The following USP42 variants were observed in gnomAD, a reference collection of about 807,000 sequenced individuals.
The protein encoded by USP42 is ubiquitin carboxyl-terminal hydrolase 42.
In USP42, 23 loss-of-function variants were observed where a neutral mutation model predicts 113.0. That is an observed-to-expected ratio of 0.20 (90% CI 0.15 to 0.29). The LOEUF (loss-of-function observed/expected upper bound fraction) is 0.29, where lower values mean the gene tolerates loss of function less well. USP42 is among the 10% of genes least tolerant of loss of function. The pLI is 1.00. For missense variants in USP42, 2,174 were observed against 1,779.8 expected (o/e 1.22, Z -3.99); for synonymous variants, 933 against 699.0 (o/e 1.33, Z -5.28).
intron 1 of USP42, among the ~76,000 whole-genome samples, chr7:6,108,116 G>A (rs1054069485): frequency 1.3e-5 from 2 of 152,184 alleles, no homozygotes; most frequent in East Asian, 3.9e-4. Context: ...GCCAGGAGGT[G>A]GAGAAGGTTG....
At chr7:6,133,891 CT>C (rs386409441) in intron 3 of USP42, among the ~76,000 whole-genome samples, 1,578 of 128,960 alleles carry the variant, frequency 0.012, 6 homozygotes, top group Middle Eastern at 0.025. Context: ...GTTTCTTCTT[CT>C]TTTTTTTTTT....
chr7:6,145,062 A>C (rs995138461), intron 9 of USP42, among the ~76,000 whole-genome samples: 1 of 152,162 alleles, frequency 6.6e-6, no homozygotes. Context: ...GGCCAGGTGC[A>C]GTGGCTCATG....
chr7:6,144,044 T>TC, intron 8 of USP42, 41 bp from the exon 9 acceptor site: 2 of 1,286,508 alleles, frequency 1.6e-6, no homozygotes, highest in Non-Finnish European at 2.1e-6. Flanking sequence ...ATTGTGTGTA[T>TC]ATATTCGTCT....
intron 3 of USP42, among the ~76,000 whole-genome samples, chr7:6,116,103 C>CAA (rs1363199312): frequency 0.062 from 4,495 of 72,034 alleles, 133 homozygotes; most frequent in Admixed American, 0.089. Context: ...GACCCTGTCT[C>CAA]AAAAAAAAAA....
chr7:6,126,098 G>C (rs1337181062), intron 3 of USP42, among the ~76,000 whole-genome samples: 3 of 151,982 alleles, frequency 2.0e-5, no homozygotes, highest in Admixed American at 2.0e-4. Context: ...TTAACCTCTG[G>C]TGACCACTGA....
chr7:6,082,603 G>GTTTTTGTTTTTTTTTT, the USP42 span, among the ~76,000 whole-genome samples: 1 of 90,196 alleles, frequency 1.1e-5, no homozygotes, highest in Non-Finnish European at 2.0e-5. Flanking sequence ...CTTTCTTTCT[G>GTTTTTGTTTTTTTTTT]TTTTTTTTTT....
intron 3 of USP42, among the ~76,000 whole-genome samples, chr7:6,121,057 A>G (rs1780200002): frequency 1.3e-5 from 2 of 151,692 alleles, no homozygotes; most frequent in Non-Finnish European, 2.9e-5. Flanking sequence ...ATCCCTTAAG[A>G]TTTTATAGAC....
In USP42 at chr7:6,111,330, C is replaced by A; in HGVS notation, c.197C>A (p.Ser66Ter). 6.2e-7 allele frequency: 1 copy of A among 1,610,702 alleles called. No homozygotes were observed. Among genetic ancestry groups the A allele is most frequent in the South Asian group, 1.1e-5 (1 of 90,490 alleles). ...PVPGAVVYSS[S>*]SVPDKSKPSP... ...CCTGGTGCTGTAGTTTATTCGAGTT[C>A]ATCTGTACCTGATAAATCAAAACCA... is the stretch of plus-strand genomic sequence containing the variant. The change falls in exon 2 of 18, where the codon TCA becomes TAA. Residue 66 changes from serine (S) to a stop codon, truncating the protein, a stop_gained. Coordinates refer to ENST00000306177, the MANE Select transcript of USP42 (RefSeq NM_032172.3). LOFTEE classifies it high-confidence loss of function.
At position 6,154,354 on chromosome 7, in the gene USP42, G is replaced by T; in HGVS notation, c.2800G>T (p.Gly934Cys). The part of the protein sequence containing the change: ...VEDAAAPKAP[G>C]PSPAKEKIGS... ...GGACGCCGCGGCGCCGAAAGCCCCA[G>T]GCCCTTCCCCAGCGAAGGAGAAAAT... Residue 934 changes from glycine (G) to cysteine (C), a missense_variant, in exon 15 of 18, where the codon GGC becomes TGC. Gly to Cys is a radical substitution (Grantham distance 159, BLOSUM62 -3). Coordinates refer to ENST00000306177, the MANE Select transcript of USP42 (RefSeq NM_032172.3). 1 of 1,574,284 alleles carries T rather than the reference G, an allele frequency of 6.4e-7. No homozygotes were observed. The highest frequency in any genetic ancestry group is 8.6e-7 in the Non-Finnish European group (1 of 1,161,304).
chr7:6,150,405 A>G lies in USP42; in HGVS notation c.2107-7A>G. On this transcript the variant is annotated splice_polypyrimidine_tract_variant and splice_region_variant and intron_variant, in intron 13 of 17. Coordinates refer to ENST00000306177, the MANE Select transcript of USP42 (RefSeq NM_032172.3). ...CTGAAGCTGAAATATTTTTGTTTTT[A>G]TTGCAGTTGATGCCTGCTCCTTTGC... 6.2e-7 allele frequency: 1 copy of G among 1,613,362 alleles called. No individual in the cohort carries two copies. The highest frequency in any genetic ancestry group is 8.5e-7 in the Non-Finnish European group (1 of 1,179,404).
chr7:6,097,342 C>A, the USP42 span, among the ~76,000 whole-genome samples: 1 of 148,362 alleles, frequency 6.7e-6, no homozygotes, highest in East Asian at 2.0e-4. Flanking sequence ...CCTCCAGTAT[C>A]TGCCATGGAA....
chr7:6,156,794 G>A lies in USP42; in HGVS notation c.3682G>A (p.Ala1228Thr), dbSNP rs1326977959. Reference sequence around the variant, plus strand: ...AGACCTCTCAGCAGCGTGCTCTGACGCTGACCTCCACAGACACAAAAAAAA... The same window carrying A: ...AGACCTCTCAGCAGCGTGCTCTGACACTGACCTCCACAGACACAAAAAAAA... ...DSDLSAACSD[A>T]DLHRHKKKKK... Residue 1228 changes from alanine to threonine, a missense_variant, in exon 16 of 18, where the codon GCT (alanine) becomes ACT (threonine). Physicochemically the swap from Ala to Thr is moderately conservative, Grantham distance 58. Coordinates refer to ENST00000306177, the MANE Select transcript of USP42 (RefSeq NM_032172.3). The A allele has an allele frequency of 1.9e-6, 3 of 1,593,264 alleles. No individual in the cohort carries two copies. Among genetic ancestry groups the A allele is most frequent in the Non-Finnish European group, 2.6e-6 (3 of 1,172,446 alleles).
intron 1 of USP42, among the ~76,000 whole-genome samples, chr7:6,110,700 G>C (rs962325356): frequency 2.6e-5 from 4 of 152,092 alleles, no homozygotes; most frequent in Non-Finnish European, 5.9e-5. Context: ...TTTCTCTGAG[G>C]AATTATACTC....
the USP42 span, among the ~76,000 whole-genome samples, chr7:6,089,794 G>A: frequency 1.3e-5 from 2 of 150,490 alleles, no homozygotes; most frequent in African/African-American, 2.5e-5. Flanking sequence ...GCCTCCCAAA[G>A]TGCTGGGATT....
At position 6,157,154 on chromosome 7, in the gene USP42, A is replaced by G; in HGVS notation, c.3943+99A>G. 6.9e-7 allele frequency: 1 copy of G among 1,445,372 alleles called. No homozygotes were observed. Among genetic ancestry groups the G allele is most frequent in the Non-Finnish European group, 9.0e-7 (1 of 1,105,462 alleles). 89.5% of individuals were successfully genotyped at this position (1,445,372 alleles called of 1,614,324 possible). A position where few individuals can be genotyped will look rare whatever the true frequency, so the allele number is the denominator to read the frequency against. On this transcript the variant is annotated intron_variant, in intron 16 of 17. Transcript: ENST00000306177. The surrounding 1 kb of genome is among the most constrained non-coding windows in gnomAD (Gnocchi z 4.1). ...ATGTAGAAAGAAAACCTCAGGTGGCATCAAAGGGCACAGTTACTCAGAGCA... is the reference window on the plus strand; with the variant it reads ...ATGTAGAAAGAAAACCTCAGGTGGCGTCAAAGGGCACAGTTACTCAGAGCA...
chr7:6,090,787 CAT>C, the USP42 span, among the ~76,000 whole-genome samples: 8 of 144,270 alleles, frequency 5.5e-5, no homozygotes, highest in South Asian at 4.2e-4. Flanking sequence ...ACATATATAA[CAT>C]AATATATATA....
chr7:6,115,235 A>G (rs1353519383), intron 2 of USP42, 88 bp from the exon 3 acceptor site: 13 of 1,330,170 alleles, frequency 9.8e-6, no homozygotes, highest in African/African-American at 2.9e-5. Flanking sequence ...CGGATCTTGT[A>G]AAGATTGAGG....
chr7:6,130,503 C>G (rs907226856), intron 3 of USP42, among the ~76,000 whole-genome samples: 1 of 152,104 alleles, frequency 6.6e-6, no homozygotes, highest in African/African-American at 2.4e-5. Flanking sequence ...GGGTGGAAAT[C>G]TGGGCTCCCC....
At chr7:6,085,286 AT>A in the USP42 span, 143 of 143,492 alleles carry the variant, frequency 1.0e-3, no homozygotes, top group Admixed American at 9.8e-4. Context: ...TGCCCGACTA[AT>A]TTTTTTTTTT....
Sources: gnomAD v4.1 joint callset for allele counts (sites outside exome capture counted in the v4.1 genomes callset) on GRCh38, gnomAD v4.1.1 for gene constraint, Gnocchi (gnomAD v3.1) non-coding constraint, MANE v1.5 for transcripts, NCBI Gene and HGNC (gene_info 2026-07-23, HGNC 2026-07-21) for gene names.